Variants in BCAS3 observed in about 807,000 individuals in gnomAD.
The protein encoded by BCAS3 is BCAS3 microtubule associated cell migration factor, also known as BCAS4/BCAS3 fusion.
BCAS3 carries 53 observed loss-of-function variants against 116.1 expected under a neutral mutation model. The observed-to-expected ratio is 0.46, with a 90% confidence interval of 0.37 to 0.57. The LOEUF (loss-of-function observed/expected upper bound fraction) is 0.57, where lower values mean the gene tolerates loss of function less well. Among genes scored for constraint, BCAS3 ranks in the 20% least tolerant of loss-of-function variants. The probability of loss-of-function intolerance (pLI) is 0.00; values close to 1 mark genes in which losing one functional copy is unlikely to be tolerated. For synonymous variants in BCAS3, 391 were observed against 408.2 expected, an observed-to-expected ratio of 0.96 and a Z score of 0.51; for missense variants, 917 against 1,165.4, an observed-to-expected ratio of 0.79 and a Z score of 3.10.
In BCAS3 at chr17:61,354,378, C is replaced by T. The variant is rs941342375; in HGVS notation, c.2426-13949C>T. Reference sequence around the variant, plus strand: ...CTGTTCCAGTGGACTCTTCCACCGCCCTTGAGTGGGGAACATCCAGGCCTT... The same window carrying T: ...CTGTTCCAGTGGACTCTTCCACCGCTCTTGAGTGGGGAACATCCAGGCCTT... On this transcript the variant is annotated intron_variant, in intron 22 of 23. Coordinates refer to ENST00000407086, the MANE Select transcript of BCAS3 (RefSeq NM_017679.5). The surrounding 1 kb of genome is among the most constrained non-coding windows in gnomAD (Gnocchi z 4.5). The T allele has an allele frequency of 1.6e-4, 24 of 152,220 alleles. No individual in the cohort carries two copies. The highest frequency in any genetic ancestry group is 1.4e-3 in the Admixed American group (21 of 15,280). The allele number at this position is 152,220 out of a possible 1,614,324, so 9.4% of individuals were successfully genotyped here.
chr17:60,959,317 T>A lies in BCAS3; in HGVS notation c.1221+11965T>A, dbSNP rs1189863313. On this transcript the variant is annotated intron_variant, in intron 14 of 23. Coordinates refer to ENST00000407086, the MANE Select transcript of BCAS3 (RefSeq NM_017679.5). ...GCAAACCCCTGTCTCAAAAAAAAAATTTTTTTTTTGGTTTTGTTTTTGCTT... is the reference window on the plus strand; with the variant it reads ...GCAAACCCCTGTCTCAAAAAAAAAAATTTTTTTTTGGTTTTGTTTTTGCTT... Among the ~76,000 whole-genome samples the A allele has an allele frequency of 6.0e-5, 9 of 149,534 alleles. 1 individual carries two copies. In the Middle Eastern group the frequency reaches 0.01, roughly 172 times the overall value.
At chr17:60,927,252 T>G (rs1413435963) in intron 13 of BCAS3, among the ~76,000 whole-genome samples, 1 of 151,904 alleles carries the variant, frequency 6.6e-6, no homozygotes, top group African/African-American at 2.4e-5. Flanking sequence ...TTTCTTTTTT[T>G]GTTTTTTGTT....
rs1351625536 is a variant in BCAS3, at chr17:61,239,651, T to A, written c.2426-128676T>A. On this transcript the variant is annotated intron_variant, in intron 22 of 23. Coordinates refer to ENST00000407086, the MANE Select transcript of BCAS3 (RefSeq NM_017679.5). The surrounding 1 kb of genome is among the most constrained non-coding windows in gnomAD (Gnocchi z 4.2). ...AGAGGATAACATGCAACTGTTAAGA[T>A]CTAGATCATGCTAAAAGTATTAAAG... Among the ~76,000 whole-genome samples, 1 of 152,230 alleles carries A rather than the reference T, an allele frequency of 6.6e-6. No homozygotes were observed. Among genetic ancestry groups the A allele is most frequent in the Non-Finnish European group, 1.5e-5 (1 of 68,036 alleles).
intron 6 of BCAS3, among the ~76,000 whole-genome samples, chr17:60,791,815 A>G (rs1251335752): frequency 1.3e-5 from 2 of 151,984 alleles, no homozygotes; most frequent in East Asian, 3.9e-4. Context: ...GTATCCATGG[A>G]TATTTGTCAT....
chr17:60,761,416 A>C (rs920894202), intron 6 of BCAS3, among the ~76,000 whole-genome samples: 1 of 129,970 alleles, frequency 7.7e-6, no homozygotes, highest in African/African-American at 4.8e-5. Flanking sequence ...CCTGTGTCCA[A>C]GTGTTCTCAT....
chr17:60,704,524 G>C (rs2036858077), intron 4 of BCAS3, among the ~76,000 whole-genome samples: 1 of 152,078 alleles, frequency 6.6e-6, no homozygotes, highest in Non-Finnish European at 1.5e-5. Context: ...GAAGTACCTG[G>C]CCAGTAAGAG....
chr17:61,317,191 T>G (rs1484443108), intron 22 of BCAS3, among the ~76,000 whole-genome samples: 1 of 152,204 alleles, frequency 6.6e-6, no homozygotes, highest in Non-Finnish European at 1.5e-5. Flanking sequence ...AATTTGAGCA[T>G]TTCATTGCCA....
chr17:60,999,801 A>G (rs2064114207), intron 15 of BCAS3, among the ~76,000 whole-genome samples: 1 of 152,118 alleles, frequency 6.6e-6, no homozygotes, highest in South Asian at 2.1e-4. Flanking sequence ...ATGCTTTTCC[A>G]TTTGCTGGTG....
At chr17:60,822,196 A>G (rs937334759) in intron 7 of BCAS3, among the ~76,000 whole-genome samples, 11 of 152,202 alleles carry the variant, frequency 7.2e-5, no homozygotes, top group Admixed American at 2.0e-4. Context: ...TTTTACATCT[A>G]CAAGTGGTGT....
At chr17:60,947,857 T>G (rs1453349243) in intron 14 of BCAS3, among the ~76,000 whole-genome samples, 2 of 152,178 alleles carry the variant, frequency 1.3e-5, no homozygotes, top group Non-Finnish European at 2.9e-5. Context: ...TATTTAGTGA[T>G]ATTATTTTGA....
At position 60,962,221 on chromosome 17, in the gene BCAS3, A is replaced by C. The variant is rs1371441296; in HGVS notation, c.1221+14869A>C. ...TACCTGGTAGCAGAATTGCTGGATCATATGGTAATTCTGTTTTTAGTTTTC... is the reference window on the plus strand; with the variant it reads ...TACCTGGTAGCAGAATTGCTGGATCCTATGGTAATTCTGTTTTTAGTTTTC... On this transcript the variant is annotated intron_variant, in intron 14 of 23. Coordinates refer to ENST00000407086, the MANE Select transcript of BCAS3 (RefSeq NM_017679.5). The surrounding 1 kb of genome is among the most constrained non-coding windows in gnomAD (Gnocchi z 4.4). 1.3e-5 allele frequency among the ~76,000 whole-genome samples: 2 copies of C among 152,164 alleles called. No individual in the cohort carries two copies. Among genetic ancestry groups the C allele is most frequent in the Non-Finnish European group, 2.9e-5 (2 of 68,016 alleles).
intron 22 of BCAS3, among the ~76,000 whole-genome samples, chr17:61,255,463 G>A (rs561260382): frequency 6.6e-6 from 1 of 152,286 alleles, no homozygotes; most frequent in Non-Finnish European, 1.5e-5. Context: ...AGTATCTCAG[G>A]AAACTGGTAT....
At chr17:61,306,068 G>A (rs1207198592) in intron 22 of BCAS3, among the ~76,000 whole-genome samples, 2 of 152,168 alleles carry the variant, frequency 1.3e-5, no homozygotes, top group Non-Finnish European at 2.9e-5. Flanking sequence ...GAACACTTCT[G>A]ACTTAGGAAG....
rs1031771283 is a variant in BCAS3 at position 60,990,848 on chromosome 17, A to G, written c.1486+613A>G. Among the ~76,000 whole-genome samples the G allele has an allele frequency of 1.3e-5, 2 of 152,018 alleles. No individual in the cohort carries two copies. Among genetic ancestry groups the G allele is most frequent in the Admixed American group, 6.6e-5 (1 of 15,258 alleles). ...TTTTTAGTAGAGATGGGGTTTCACT[A>G]TGTTGGCCAGGCTTGTCTTGAACTC... On this transcript the variant is annotated intron_variant, in intron 15 of 23. Transcript: ENST00000407086. The surrounding 1 kb of genome is among the most constrained non-coding windows in gnomAD (Gnocchi z 5.1).
intron 22 of BCAS3, among the ~76,000 whole-genome samples, chr17:61,135,188 G>A (rs1039168333): frequency 1.3e-5 from 2 of 152,124 alleles, no homozygotes; most frequent in East Asian, 3.9e-4. Flanking sequence ...GTACAGACTT[G>A]GTTTCTTATT....
rs975036575 is a variant in BCAS3, at chr17:61,196,610, T to A, written c.2425+112046T>A. Among the ~76,000 whole-genome samples, 1 of 152,240 alleles carries A rather than the reference T, an allele frequency of 6.6e-6. No homozygotes were observed. The highest frequency in any genetic ancestry group is 1.9e-4 in the East Asian group (1 of 5,190). On this transcript the variant is annotated intron_variant, in intron 22 of 23. Transcript: ENST00000407086. The surrounding 1 kb of genome is among the most constrained non-coding windows in gnomAD (Gnocchi z 4.7). ...CTGGGGCTAGCCAGACTGCTCCACATAGACTTCCGATTCGAATTAGAAATG... is the reference window on the plus strand; with the variant it reads ...CTGGGGCTAGCCAGACTGCTCCACAAAGACTTCCGATTCGAATTAGAAATG...
chr17:60,910,661 A>T lies in BCAS3; in HGVS notation c.952A>T (p.Ile318Phe). The T allele has an allele frequency of 1.2e-6, 2 of 1,612,690 alleles. No homozygotes were observed. The highest frequency in any genetic ancestry group is 1.7e-6 in the Non-Finnish European group (2 of 1,179,382). The change falls in exon 12 of 24, where the codon ATC becomes TTC. Residue 318 changes from isoleucine to phenylalanine, a missense_variant. By Grantham distance (21) the Ile-to-Phe change is conservative (BLOSUM62 0). This residue lies in a region of BCAS3 where 807 missense variants were observed against 1,026.0 expected (regional missense o/e 0.79). Transcript: ENST00000407086. Reference sequence around the variant, plus strand: ...ACGGCGGAGTCCTTTGGTCCCAGGCATCATCACAGTTATTGACACCGAAAC... The same window carrying T: ...ACGGCGGAGTCCTTTGGTCCCAGGCTTCATCACAGTTATTGACACCGAAAC... The part of the protein sequence containing the change: ...NSRRSPLVPG[I>F]ITVIDTETVG...
chr17:60,796,286 A>G (rs1045025385), intron 6 of BCAS3, among the ~76,000 whole-genome samples: 4 of 152,134 alleles, frequency 2.6e-5, no homozygotes, highest in Admixed American at 2.0e-4. Context: ...ATCTTGTGGA[A>G]TAGTGTCAGA....
At chr17:60,770,390 A>G (rs1598592433) in intron 6 of BCAS3, among the ~76,000 whole-genome samples, 1 of 117,820 alleles carries the variant, frequency 8.5e-6, no homozygotes, top group African/African-American at 2.9e-5. Context: ...CTCTCATCCC[A>G]GTGTTCCCTC....
Sources: gnomAD v4.1 joint callset for allele counts (sites outside exome capture counted in the v4.1 genomes callset) on GRCh38, gnomAD v4.1.1 for gene constraint, gnomAD v4.1.1 regional missense constraint, Gnocchi (gnomAD v3.1) non-coding constraint, MANE v1.5 for transcripts, NCBI Gene and HGNC (gene_info 2026-07-23, HGNC 2026-07-21) for gene names.